Variants in ASPM observed in about 807,000 individuals in gnomAD.
ASPM encodes abnormal spindle-like microcephaly-associated protein.
In ASPM, 256 loss-of-function variants were observed where a neutral mutation model predicts 366.4. That is an observed-to-expected ratio of 0.70 (90% CI 0.63 to 0.77). The LOEUF (loss-of-function observed/expected upper bound fraction) is 0.77, where lower values mean the gene tolerates loss of function less well. Among genes scored for constraint, ASPM ranks in the 30% least tolerant of loss-of-function variants. The pLI is 0.00. For missense variants in ASPM, 4,146 were observed against 4,090.4 expected, an observed-to-expected ratio of 1.01 and a Z score of -0.37; for synonymous variants, 1,414 against 1,342.9, an observed-to-expected ratio of 1.05 and a Z score of -1.16.
rs759761851 is a variant in ASPM at position 197,100,661 on chromosome 1, T to C, written c.8590A>G (p.Ile2864Val). Reference protein sequence around the residue: ...RRFVQQKRAAITLQHYFRTWQ... With the variant: ...RRFVQQKRAAVTLQHYFRTWQ... ...GTCCTAAAATAATGCTGTAAAGTGA[T>C]AGCAGCTCTTTTCTGCTGAACAAAT... Residue 2864 changes from isoleucine to valine, a missense_variant, in exon 18 of 28, where the codon ATC becomes GTC. By Grantham distance (29) the Ile-to-Val change is conservative. Coordinates refer to ENST00000367409, the MANE Select transcript of ASPM (RefSeq NM_018136.5). The C allele has an allele frequency of 4.0e-5, 65 of 1,612,360 alleles. No homozygotes were observed. The highest frequency in any genetic ancestry group is 3.8e-4 in the East Asian group (17 of 44,800).
At chr1:197,089,790 C>A in intron 25 of ASPM, 140 bp downstream of exon 25, 3 of 756,050 alleles carry the variant, frequency 4.0e-6, no homozygotes, top group Non-Finnish European at 6.4e-6. Context: ...TGTTAATAAA[C>A]ATTTTTTCAT....
rs1658206930 is a variant in ASPM at position 197,129,796 on chromosome 1, C to T, written c.2629+119G>A. 4 of 1,173,090 alleles carry T rather than the reference C, an allele frequency of 3.4e-6. No homozygotes were observed. The East Asian group carries it at 9.8e-5, about 29-fold the overall frequency. 72.7% of individuals were successfully genotyped at this position (1,173,090 alleles called of 1,614,324 possible). On this transcript the variant is annotated intron_variant, in intron 8 of 27. Transcript: ENST00000367409. ...GTGGAGGAAGGGAGAGTACTAGAAG[C>T]AGAGACTTATTTAGATTGGTTTCTT...
chr1:197,088,257 G>A lies in ASPM; in HGVS notation c.10160C>T (p.Ser3387Phe), dbSNP rs376827531. ...AILLKTTNRA[S>F]DVRSRSKVVD... ...GAAAGGCAACTGACTAATACTTACAGAGGCTCTATTTGTTGTCTTCAGTAA... is the reference window on the plus strand; with the variant it reads ...GAAAGGCAACTGACTAATACTTACAAAGGCTCTATTTGTTGTCTTCAGTAA... The change falls in exon 26 of 28, where the codon TCT becomes TTT. Residue 3387 changes from serine (S) to phenylalanine (F), a missense_variant and splice_region_variant. Coordinates refer to ENST00000367409, the MANE Select transcript of ASPM (RefSeq NM_018136.5). The A allele has an allele frequency of 3.7e-6, 6 of 1,612,744 alleles. No homozygotes were observed. In the African/African-American group the frequency reaches 4.0e-5, roughly 11 times the overall value.
In ASPM at chr1:197,090,299, C is replaced by T. The variant is rs587783294; in HGVS notation, c.9726G>A (p.Glu3242=). 5 of 1,612,898 alleles carry T rather than the reference C, an allele frequency of 3.1e-6. No individual in the cohort carries two copies. The African/African-American group carries it at 4.0e-5, about 13-fold the overall frequency. ...TGTAGAGTTTGTTTTCTTCTCGAAT[C>T]TCCCTATTAACAACTTGAAGACTTA... ...IRLSLQVVNR[E]IREENKLYKR... The change falls in exon 24 of 28, where the codon GAG becomes GAA. Residue 3242 remains glutamate, a synonymous_variant. Coordinates refer to ENST00000367409, the MANE Select transcript of ASPM (RefSeq NM_018136.5).
rs1557956580 is a variant in ASPM, at chr1:197,124,174, T to C, written c.3326A>G (p.Tyr1109Cys). The C allele has an allele frequency of 1.2e-6, 2 of 1,612,926 alleles. No homozygotes were observed. Among genetic ancestry groups the C allele is most frequent in the Non-Finnish European group, 1.7e-6 (2 of 1,179,282 alleles). ...GKRDSGSFEQ[Y>C]SENIKLLMDW... ...CATCAATAACTTTATGTTTTCACTA[T>C]ATTGTTCAAAGGAACCACTATCCCT... Residue 1109 changes from tyrosine to cysteine, a missense_variant, in exon 13 of 28, where the codon TAT becomes TGT. Physicochemically the swap from Tyr to Cys is radical, Grantham distance 194. Coordinates refer to ENST00000367409, the MANE Select transcript of ASPM (RefSeq NM_018136.5).
intron 23 of ASPM, 62 bp downstream of exon 23, chr1:197,090,788 G>T: frequency 6.9e-7 from 1 of 1,449,318 alleles, no homozygotes. Context: ...TATAGTGTTA[G>T]ATATCATGTA....
intron 16 of ASPM, 121 bp from the exon 17 acceptor site, chr1:197,118,104 C>T: frequency 2.1e-6 from 2 of 932,608 alleles, no homozygotes; most frequent in Non-Finnish European, 3.4e-6. Context: ...AACACCCCTA[C>T]ACTTCTTGTG....
intron 10 of ASPM, among the ~76,000 whole-genome samples, chr1:197,127,322 A>T (rs1658118990): frequency 6.6e-6 from 1 of 152,222 alleles, no homozygotes; most frequent in Admixed American, 6.5e-5. Context: ...ATCTGACAAA[A>T]ATGTACCAGG....
At chr1:197,132,082 G>T (rs1283395432) in intron 7 of ASPM, among the ~76,000 whole-genome samples, 4 of 151,698 alleles carry the variant, frequency 2.6e-5, no homozygotes, top group Admixed American at 2.6e-4. Context: ...TTACAATATG[G>T]TGTAATAATA....
At chr1:197,115,357 CTT>C (rs1282389351) in intron 17 of ASPM, among the ~76,000 whole-genome samples, 1 of 152,164 alleles carries the variant, frequency 6.6e-6, no homozygotes, top group African/African-American at 2.4e-5. Flanking sequence ...CCAACGAAAT[CTT>C]TAACCCATCG....
At chr1:197,127,791 T>C (rs887688074) in intron 10 of ASPM, among the ~76,000 whole-genome samples, 1 of 152,188 alleles carries the variant, frequency 6.6e-6, no homozygotes, top group Non-Finnish European at 1.5e-5. Flanking sequence ...TTCATCTTAT[T>C]TTCCTCATAT....
intron 17 of ASPM, among the ~76,000 whole-genome samples, chr1:197,111,722 C>A (rs777235223): frequency 9.2e-5 from 14 of 151,814 alleles, no homozygotes; most frequent in Admixed American, 6.6e-4. Context: ...GTGGTACACA[C>A]ACACTGGAGA....
In ASPM at chr1:197,105,122, G is replaced by C; in HGVS notation, c.4129C>G (p.Leu1377Val). The change falls in exon 18 of 28, where the codon CTG becomes GTG. Residue 1377 changes from leucine (L) to valine (V), a missense_variant. By Grantham distance (32) the Leu-to-Val change is conservative (BLOSUM62 1). Around this residue, in one of 3 missense-constraint regions of ASPM, gnomAD observed 3,624 missense variants for 3,591.7 expected, o/e 1.01. Transcript: ENST00000367409. ...ATTATCATTCTTATCCTAGATTGCA[G>C]GATGATTGAATAATATTTCAATTTC... Reference protein sequence around the residue: ...FLKLKYYSIILQSRIRMIIAV... With the variant: ...FLKLKYYSIIVQSRIRMIIAV... 6.2e-7 allele frequency: 1 copy of C among 1,608,696 alleles called. No homozygotes were observed. The highest frequency in any genetic ancestry group is 8.5e-7 in the Non-Finnish European group (1 of 1,176,056).
chr1:197,099,706 T>C (rs1197846071), intron 18 of ASPM, among the ~76,000 whole-genome samples: 1 of 151,744 alleles, frequency 6.6e-6, no homozygotes, highest in Non-Finnish European at 1.5e-5. Flanking sequence ...ACTTGACATT[T>C]CTTGAATTAA....
At position 197,107,258 on chromosome 1, in the gene ASPM, T is replaced by C. The variant is rs1202982832; in HGVS notation, c.4066-2073A>G. ...TAGGCTATAGACTTTAAGAATTGAA[T>C]AAGATACAGATCACAATCTAGATCC... is the stretch of plus-strand genomic sequence containing the variant. On this transcript the variant is annotated intron_variant, in intron 17 of 27. Coordinates refer to ENST00000367409, the MANE Select transcript of ASPM (RefSeq NM_018136.5). Among the ~76,000 whole-genome samples the C allele has an allele frequency of 2.0e-5, 3 of 152,178 alleles. No individual in the cohort carries two copies. In the East Asian group the frequency reaches 5.8e-4, roughly 29 times the overall value.
intron 26 of ASPM, 101 bp from the exon 27 acceptor site, chr1:197,087,073 C>CAT: frequency 9.6e-7 from 1 of 1,046,506 alleles, no homozygotes; most frequent in Non-Finnish European, 1.3e-6. Context: ...TGCAGTAAAC[C>CAT]TTTTTTTTTT....
At chr1:197,091,426 A>G (rs1235977747) in intron 22 of ASPM, among the ~76,000 whole-genome samples, 2 of 152,202 alleles carry the variant, frequency 1.3e-5, no homozygotes, top group Middle Eastern at 3.4e-3. Flanking sequence ...CCTATAAATC[A>G]TAACAAAAAA....
At position 197,143,253 on chromosome 1, in the gene ASPM, T is replaced by A; in HGVS notation, c.999A>T (p.Glu333Asp). Residue 333 changes from glutamate to aspartate, a missense_variant, in exon 3 of 28, where the codon GAA (glutamate) becomes GAT (aspartate). Around this residue, in one of 3 missense-constraint regions of ASPM, gnomAD observed 512 missense variants for 471.7 expected, o/e 1.09. Coordinates refer to ENST00000367409, the MANE Select transcript of ASPM (RefSeq NM_018136.5). ...TATCTGATGAAAGACATGTTACTAA[T>A]TCTAGTTCATTATTAGCTCCATGAC... ...NNSHGANNEL[E>D]LVTCLSSDMF... The A allele has an allele frequency of 6.2e-7, 1 of 1,612,458 alleles. No individual in the cohort carries two copies. The highest frequency in any genetic ancestry group is 8.5e-7 in the Non-Finnish European group (1 of 1,178,642).
In ASPM at chr1:197,133,360, C is replaced by T. The variant is rs1057518269; in HGVS notation, c.2409G>A (p.Trp803Ter). 5 of 1,613,460 alleles carry T rather than the reference C, an allele frequency of 3.1e-6. No individual in the cohort carries two copies. Among genetic ancestry groups the T allele is most frequent in the African/African-American group, 1.3e-5 (1 of 74,896 alleles). ...CTGCAGTCTTCTTACCCACATCTTT[C>T]CATAGGTGTCTATCTTTTCGAACAA... is the stretch of plus-strand genomic sequence containing the variant. ...RLIVRKDRHL[W>*]KDVGERQKVL... The change falls in exon 6 of 28, where the codon TGG becomes TGA. Residue 803 changes from tryptophan to a stop codon, truncating the protein, a stop_gained. Transcript: ENST00000367409. LOFTEE classifies it high-confidence loss of function.
Sources: allele counts gnomAD v4.1 joint callset (sites outside exome capture counted in the v4.1 genomes callset), GRCh38; gene constraint gnomAD v4.1.1; regional missense constraint gnomAD v4.1.1; transcripts MANE v1.5; gene names NCBI Gene and HGNC (gene_info 2026-07-23, HGNC 2026-07-21).